MYO5B: variants seen among roughly 807,000 people sequenced by gnomAD.
MYO5B encodes myosin VB.
A neutral mutation model predicts 229.3 loss-of-function variants in MYO5B; 143 were observed. The observed-to-expected ratio is 0.62, with a 90% CI of 0.54 to 0.72. MYO5B has a LOEUF of 0.72. MYO5B is among the 30% of genes least tolerant of loss of function. The pLI is 0.00. For synonymous variants in MYO5B, 918 were observed against 885.2 expected, an observed-to-expected ratio of 1.04 and a Z score of -0.66; for missense variants, 2,321 against 2,331.0, an observed-to-expected ratio of 1.00 and a Z score of 0.09.
intron 1 of MYO5B, among the ~76,000 whole-genome samples, chr18:50,115,576 A>T (rs545121975): frequency 0.025 from 3,844 of 151,838 alleles, 165 homozygotes; most frequent in African/African-American, 0.089. Flanking sequence ...ACACACACAC[A>T]CACACACAAA....
chr18:49,841,564 GC>G, intron 34 of MYO5B, 110 bp from the exon 35 acceptor site: 2 of 1,028,790 alleles, frequency 1.9e-6, no homozygotes, highest in Non-Finnish European at 3.0e-6. Context: ...TTCCTGAGCA[GC>G]CCTGAGGCTG....
chr18:50,149,882 A>G (rs919478613), intron 1 of MYO5B, among the ~76,000 whole-genome samples: 3 of 149,032 alleles, frequency 2.0e-5, no homozygotes, highest in Non-Finnish European at 3.0e-5. Flanking sequence ...AACTACCATC[A>G]GAGTGAACAG....
At position 49,895,075 on chromosome 18, in the gene MYO5B, G is replaced by A; in HGVS notation, c.2911C>T (p.Gln971Ter). Residue 971 changes from glutamine to a stop codon, truncating the protein, a stop_gained, in exon 22 of 40, where the codon CAG (glutamine) becomes TAG (stop). Coordinates refer to ENST00000285039, the MANE Select transcript of MYO5B (RefSeq NM_001080467.3). LOFTEE classifies it high-confidence loss of function. ...AGGCTGGTGTCCTCACCTGGGCTCTGCTGGTAGTGCACCAGCTCCTTCTTC... is the reference window on the plus strand; with the variant it reads ...AGGCTGGTGTCCTCACCTGGGCTCTACTGGTAGTGCACCAGCTCCTTCTTC... ...RLKKELVHYQ[Q>*]SPGEDTSLRL... is the part of the protein sequence containing the mutation. 1 of 1,614,146 alleles carries A rather than the reference G, an allele frequency of 6.2e-7. No individual in the cohort carries two copies. The highest frequency in any genetic ancestry group is 8.5e-7 in the Non-Finnish European group (1 of 1,180,038).
chr18:49,997,253 C>A (rs1210982892), intron 5 of MYO5B, among the ~76,000 whole-genome samples: 1 of 117,464 alleles, frequency 8.5e-6, no homozygotes, highest in Non-Finnish European at 1.7e-5. Flanking sequence ...GGTGACAAAG[C>A]AAGGTCCTGT....
chr18:50,051,863 C>A (rs1028769495), intron 2 of MYO5B, among the ~76,000 whole-genome samples: 2 of 152,120 alleles, frequency 1.3e-5, no homozygotes, highest in African/African-American at 2.4e-5. Context: ...TTTCCAGGTG[C>A]TGTGGGGAGA....
intron 31 of MYO5B, 136 bp downstream of exon 31, chr18:49,853,313 G>C (rs1182781318): frequency 3.5e-6 from 3 of 868,870 alleles, no homozygotes; most frequent in Non-Finnish European, 3.7e-6. Context: ...CTTGACCGGA[G>C]ACTTCTAGAA....
At chr18:49,981,348 C>A (rs953806134) in intron 8 of MYO5B, among the ~76,000 whole-genome samples, 1 of 152,212 alleles carries the variant, frequency 6.6e-6, no homozygotes, top group African/African-American at 2.4e-5. Context: ...CCCATTCCTC[C>A]CAGCTGCAGT....
chr18:50,176,789 C>A (rs907774369), intron 1 of MYO5B, among the ~76,000 whole-genome samples: 1 of 152,228 alleles, frequency 6.6e-6, no homozygotes, highest in African/African-American at 2.4e-5. Flanking sequence ...ACAGCACTAT[C>A]CTTTTCTAAA....
At chr18:50,092,462 A>G (rs60211550) in intron 1 of MYO5B, among the ~76,000 whole-genome samples, 22,184 of 152,146 alleles carry the variant, frequency 0.15, 1,699 homozygotes, top group East Asian at 0.23. Flanking sequence ...GTTCTAACAC[A>G]CCTCACTAAA....
chr18:49,903,453 C>G (rs552617765), intron 20 of MYO5B, among the ~76,000 whole-genome samples: 1 of 152,326 alleles, frequency 6.6e-6, no homozygotes, highest in East Asian at 1.9e-4. Context: ...AGTGCTCACT[C>G]TTTGCACATG....
At chr18:50,058,671 C>T (rs1290420147) in intron 1 of MYO5B, among the ~76,000 whole-genome samples, 5 of 151,862 alleles carry the variant, frequency 3.3e-5, no homozygotes, top group South Asian at 2.1e-4. Flanking sequence ...ATTAGCCGGG[C>T]GTGGTGGCGG....
At chr18:50,165,860 G>T (rs114922638) in intron 1 of MYO5B, among the ~76,000 whole-genome samples, 2,146 of 152,264 alleles carry the variant, frequency 0.014, 52 homozygotes, top group African/African-American at 0.049. Context: ...AACCTGACTG[G>T]AAAACCAGGG....
At chr18:49,947,362 C>A (rs1026321633) in intron 14 of MYO5B, among the ~76,000 whole-genome samples, 9 of 151,942 alleles carry the variant, frequency 5.9e-5, no homozygotes, top group Non-Finnish European at 1.3e-4. Context: ...GCCTTGGCCT[C>A]CCGAAGTGCT....
At chr18:49,942,621 T>C (rs1783583736) in intron 14 of MYO5B, among the ~76,000 whole-genome samples, 2 of 151,884 alleles carry the variant, frequency 1.3e-5, no homozygotes, top group African/African-American at 2.4e-5. Context: ...AAAATGCTCA[T>C]CATCACTGGC....
intron 2 of MYO5B, among the ~76,000 whole-genome samples, chr18:50,047,662 T>G (rs1325013240): frequency 1.3e-5 from 2 of 152,138 alleles, no homozygotes; most frequent in African/African-American, 2.4e-5. Context: ...GCGGCACTAT[T>G]CACAATAGCA....
At chr18:49,999,484 T>C (rs2026023475) in intron 5 of MYO5B, among the ~76,000 whole-genome samples, 1 of 152,238 alleles carries the variant, frequency 6.6e-6, no homozygotes, top group East Asian at 1.9e-4. Context: ...AGTCAAATTA[T>C]GGTAAAGCCA....
In MYO5B at chr18:49,863,261, T is replaced by C. The variant is rs765941227; in HGVS notation, c.3910A>G (p.Ile1304Val). The C allele has an allele frequency of 6.2e-7, 1 of 1,613,536 alleles. No individual in the cohort carries two copies. The highest frequency in any genetic ancestry group is 8.5e-7 in the Non-Finnish European group (1 of 1,179,984). The change falls in exon 29 of 40, where the codon ATT becomes GTT. Residue 1304 changes from isoleucine to valine, a missense_variant. By Grantham distance (29) the Ile-to-Val change is conservative (BLOSUM62 3). This residue lies in a region of MYO5B where 2,113 missense variants were observed against 2,044.7 expected (regional missense o/e 1.03). Coordinates refer to ENST00000285039, the MANE Select transcript of MYO5B (RefSeq NM_001080467.3). ...SEKHVDQEDAIEAYHGVCQTN... is the reference protein window; with the variant it reads ...SEKHVDQEDAVEAYHGVCQTN... ...TGGCAGACCCCGTGATAGGCCTCAATGGCATCCTCCTGGTCAACATGCTTT... is the reference window on the plus strand; with the variant it reads ...TGGCAGACCCCGTGATAGGCCTCAACGGCATCCTCCTGGTCAACATGCTTT...
intron 1 of MYO5B, chr18:50,064,459 G>A (rs1187206560): frequency 6.6e-6 from 1 of 152,170 alleles, no homozygotes; most frequent in Non-Finnish European, 1.5e-5. Flanking sequence ...TCAGCTCCTA[G>A]ACTGTCAAAC....
intron 1 of MYO5B, among the ~76,000 whole-genome samples, chr18:50,122,372 C>T (rs938768521): frequency 7.2e-5 from 10 of 138,756 alleles, no homozygotes; most frequent in Non-Finnish European, 3.0e-5. Context: ...CAGGCCGAGG[C>T]AGGCAGATCA....
Sources: allele counts gnomAD v4.1 joint callset (sites outside exome capture counted in the v4.1 genomes callset), GRCh38; gene constraint gnomAD v4.1.1; regional missense constraint gnomAD v4.1.1; transcripts MANE v1.5; gene names NCBI Gene and HGNC (gene_info 2026-07-23, HGNC 2026-07-21).